IQCM: variants seen among roughly 807,000 people sequenced by gnomAD.
IQCM encodes IQ motif containing M, also known as IQ domain-containing protein M.
In IQCM, 45 loss-of-function variants were observed where a neutral mutation model predicts 57.6. The observed-to-expected ratio is 0.78, with a 90% CI of 0.62 to 1.00. IQCM has a LOEUF of 1.00. Among genes scored for constraint, IQCM ranks in the 50% least tolerant of loss-of-function variants. The pLI is 0.00. For synonymous variants in IQCM, 148 were observed against 158.9 expected (o/e 0.93, Z 0.51); for missense variants, 468 against 511.6 (o/e 0.91, Z 0.82).
At chr4:149,414,805 G>C (rs1229783305) in intron 13 of IQCM, among the ~76,000 whole-genome samples, 2 of 151,842 alleles carry the variant, frequency 1.3e-5, no homozygotes, top group East Asian at 1.9e-4. Context: ...AGAATAATCG[G>C]AAGTCTCAAA....
At chr4:149,552,413 T>C (rs1749128658) in intron 11 of IQCM, among the ~76,000 whole-genome samples, 1 of 152,198 alleles carries the variant, frequency 6.6e-6, no homozygotes, top group South Asian at 2.1e-4. Context: ...GTCATTTTTT[T>C]AGTCAAGAAA....
At chr4:149,441,152 G>A in intron 12 of IQCM, among the ~76,000 whole-genome samples, 1 of 152,064 alleles carries the variant, frequency 6.6e-6, no homozygotes, top group African/African-American at 2.4e-5. Context: ...CTTTACTGAA[G>A]CATGAAAATT....
intron 2 of IQCM, among the ~76,000 whole-genome samples, chr4:149,806,027 C>T (rs1234258680): frequency 6.6e-6 from 1 of 151,798 alleles, no homozygotes; most frequent in Non-Finnish European, 1.5e-5. Context: ...TTTTGGTACA[C>T]ACATAATATA....
chr4:149,476,996 G>A lies in IQCM; in HGVS notation c.1229-43439C>T, dbSNP rs151139203. Among the ~76,000 whole-genome samples, 16 of 152,218 alleles carry A rather than the reference G, an allele frequency of 1.1e-4. No homozygotes were observed. In the East Asian group the frequency reaches 2.7e-3, roughly 26 times the overall value. ...CAGGAAAGACTGAAATCTGGCCCCT[G>A]GGAAGGCATCTGGCTACATAGAAGC... On this transcript the variant is annotated intron_variant, in intron 12 of 13. Coordinates refer to ENST00000636793, the MANE Select transcript of IQCM (RefSeq NM_001363507.2).
chr4:149,455,587 A>G (rs923714094), intron 12 of IQCM, among the ~76,000 whole-genome samples: 17 of 152,102 alleles, frequency 1.1e-4, no homozygotes, highest in Non-Finnish European at 2.4e-4. Flanking sequence ...AGCACCTACT[A>G]TGTGCTAGAT....
chr4:149,397,729 T>A (rs1732329333), intron 13 of IQCM, among the ~76,000 whole-genome samples: 1 of 152,038 alleles, frequency 6.6e-6, no homozygotes, highest in African/African-American at 2.4e-5. Flanking sequence ...CTAGTAAAGT[T>A]TTTAGCCCAT....
At chr4:149,670,587 C>CATTCAGT (rs1761169619) in intron 7 of IQCM, among the ~76,000 whole-genome samples, 1 of 152,124 alleles carries the variant, frequency 6.6e-6, no homozygotes. Context: ...AGTTTTTGCT[C>CATTCAGT]ATTCAGTATC....
chr4:149,659,876 C>T (rs948602686), intron 7 of IQCM, among the ~76,000 whole-genome samples: 74 of 151,600 alleles, frequency 4.9e-4, no homozygotes, highest in African/African-American at 1.5e-3. Flanking sequence ...ACCATAAAAA[C>T]CCTAGAAGAA....
intron 2 of IQCM, among the ~76,000 whole-genome samples, chr4:149,776,767 C>T (rs925062203): frequency 3.3e-5 from 5 of 151,882 alleles, no homozygotes; most frequent in Non-Finnish European, 5.9e-5. Context: ...TAAGTTGTAA[C>T]AAATGAAGAA....
chr4:149,805,815 T>A (rs1477273586), intron 2 of IQCM, among the ~76,000 whole-genome samples: 1 of 152,056 alleles, frequency 6.6e-6, no homozygotes, highest in Non-Finnish European at 1.5e-5. Flanking sequence ...TGGACTGAAA[T>A]TAAAGCTTCT....
intron 5 of IQCM, among the ~76,000 whole-genome samples, chr4:149,732,129 C>A (rs1766516032): frequency 6.6e-6 from 1 of 152,162 alleles, no homozygotes; most frequent in African/African-American, 2.4e-5. Flanking sequence ...CCTCTTCCCC[C>A]ACCTACAGCT....
intron 13 of IQCM, among the ~76,000 whole-genome samples, chr4:149,395,286 G>C (rs1732144277): frequency 6.6e-6 from 1 of 152,028 alleles, no homozygotes; most frequent in Admixed American, 6.6e-5. Flanking sequence ...CAAAGTATTA[G>C]GGGTGTTGTG....
intron 13 of IQCM, among the ~76,000 whole-genome samples, chr4:149,420,764 A>G (rs1734066599): frequency 6.6e-6 from 1 of 152,142 alleles, no homozygotes; most frequent in African/African-American, 2.4e-5. Flanking sequence ...TATATTATAT[A>G]GTAATTATGT....
intron 7 of IQCM, among the ~76,000 whole-genome samples, chr4:149,675,138 A>T (rs888237298): frequency 2.6e-5 from 4 of 152,060 alleles, no homozygotes; most frequent in African/African-American, 9.7e-5. Flanking sequence ...TTAAAATATG[A>T]TATCTATCCA....
chr4:149,368,244 C>A (rs1228708082), intron 13 of IQCM, among the ~76,000 whole-genome samples: 1 of 151,642 alleles, frequency 6.6e-6, no homozygotes, highest in Non-Finnish European at 1.5e-5. Context: ...TTGTTTTGGA[C>A]TTGTTGAATT....
At chr4:149,586,236 T>G (rs1436822649) in intron 9 of IQCM, among the ~76,000 whole-genome samples, 1 of 151,722 alleles carries the variant, frequency 6.6e-6, no homozygotes, top group Non-Finnish European at 1.5e-5. Flanking sequence ...TTATTTGCTT[T>G]AGAGGAAGTC....
chr4:149,682,340 T>A (rs1762239701), intron 6 of IQCM, 134 bp from the exon 7 acceptor site: 2 of 393,516 alleles, frequency 5.1e-6, no homozygotes, highest in Non-Finnish European at 8.9e-6. Context: ...CTACACCTGT[T>A]GTTCCCTCAG....
intron 7 of IQCM, among the ~76,000 whole-genome samples, chr4:149,675,142 C>T (rs1487572371): frequency 6.6e-6 from 1 of 152,000 alleles, no homozygotes; most frequent in Non-Finnish European, 1.5e-5. Flanking sequence ...AATATGATAT[C>T]TATCCAAGAT....
At chr4:149,759,626 G>A (rs112210175) in intron 2 of IQCM, among the ~76,000 whole-genome samples, 50 of 152,152 alleles carry the variant, frequency 3.3e-4, no homozygotes, top group African/African-American at 1.1e-3. Flanking sequence ...TAATTTTACT[G>A]TAAAGCCAAA....
Sources: gnomAD v4.1 joint callset for allele counts (sites outside exome capture counted in the v4.1 genomes callset) on GRCh38, gnomAD v4.1.1 for gene constraint, MANE v1.5 for transcripts, NCBI Gene and HGNC (gene_info 2026-07-23, HGNC 2026-07-21) for gene names.